Variants in ALDH1L1 observed in about 807,000 individuals in gnomAD.
ALDH1L1 encodes cytosolic 10-formyltetrahydrofolate dehydrogenase.
In ALDH1L1, 68 loss-of-function variants were observed where a neutral mutation model predicts 101.1. The ratio of observed to expected loss-of-function variants is 0.67; its 90% CI spans 0.55 to 0.82. The LOEUF (loss-of-function observed/expected upper bound fraction) is 0.82, where lower values mean the gene tolerates loss of function less well. Among genes scored for constraint, ALDH1L1 ranks in the 40% least tolerant of loss-of-function variants. The pLI, the probability that ALDH1L1 is intolerant of heterozygous loss-of-function variation, is 0.00. For missense variants in ALDH1L1, 1,087 were observed against 1,172.7 expected (o/e 0.93, Z 1.07); for synonymous variants, 486 against 470.8 (o/e 1.03, Z -0.42).
chr3:126,186,014 G>A (rs1270203829), upstream of ALDH1L1, among the ~76,000 whole-genome samples: 1 of 152,104 alleles, frequency 6.6e-6, no homozygotes, highest in African/African-American at 2.4e-5. Flanking sequence ...TGGAATGGGG[G>A]GTGCCAGGGG....
rs774413198 is a variant in ALDH1L1, at chr3:126,153,285, GC to G, written c.858+158del. 3 of 1,123,182 alleles carry G rather than the reference GC, an allele frequency of 2.7e-6. No individual in the cohort carries two copies. In the African/African-American group the frequency reaches 4.6e-5, roughly 17 times the overall value. The allele number at this position is 1,123,182 out of a possible 1,614,324, so 69.6% of individuals were successfully genotyped here. A position where few individuals can be genotyped will look rare whatever the true frequency, so the allele number is the denominator to read the frequency against. ...CTCGGACACCCTGTGCTCAGGACCAGCCGGGTGGTCAGGGACAAATCAGGGT... is the reference window on the plus strand; with the variant it reads ...CTCGGACACCCTGTGCTCAGGACCAGCGGGTGGTCAGGGACAAATCAGGGT... On this transcript the variant is annotated intron_variant, in intron 7 of 22. Coordinates refer to ENST00000393434, the MANE Select transcript of ALDH1L1 (RefSeq NM_012190.4).
At chr3:126,118,179 G>C in intron 16 of ALDH1L1, 81 bp from the exon 17 acceptor site, 2 of 1,130,746 alleles carry the variant, frequency 1.8e-6, no homozygotes. Context: ...GACTGCACAG[G>C]TTCACTGGGG....
Position 126,125,636 on chromosome 3 carries a change from C to G in ALDH1L1, c.1780G>C (p.Val594Leu), listed in dbSNP as rs778022672. The G allele has an allele frequency of 3.8e-6, 6 of 1,596,154 alleles. No homozygotes were observed. In the East Asian group the frequency reaches 1.1e-4, roughly 31 times the overall value. ...CTCACCTGAGCAGGCTTGATCACCA[C>G]TGTGTTCCCGGCAGCCAGGCAGGCA... is the stretch of plus-strand genomic sequence containing the variant. ...TAACLAAGNT[V>L]VIKPAQVTPL... The change falls in exon 15 of 23, where the codon GTG (valine) becomes CTG (leucine). Residue 594 changes from valine to leucine, a missense_variant. Coordinates refer to ENST00000393434, the MANE Select transcript of ALDH1L1 (RefSeq NM_012190.4).
rs530628242 is a variant in ALDH1L1 at position 126,153,950 on chromosome 3, T to C, written c.721-369A>G. 3.4e-3 allele frequency among the ~76,000 whole-genome samples: 512 copies of C among 152,330 alleles called. 3 individuals carry two copies. Among genetic ancestry groups the C allele is most frequent in the Non-Finnish European group, 6.1e-3 (416 of 68,024 alleles). ...AGGAGTGGTTGCTTTGATCAGAAGA[T>C]GCATTTGCTAGTACAAAGGGCTCTG... On this transcript the variant is annotated intron_variant, in intron 6 of 22. Coordinates refer to ENST00000393434, the MANE Select transcript of ALDH1L1 (RefSeq NM_012190.4).
At chr3:126,163,998 G>C (rs1023136518) in intron 1 of ALDH1L1, among the ~76,000 whole-genome samples, 2 of 152,068 alleles carry the variant, frequency 1.3e-5, no homozygotes, top group African/African-American at 4.8e-5. Context: ...GGACATGGTA[G>C]TACGTGCCTG....
intron 21 of ALDH1L1, 151 bp downstream of exon 21, chr3:126,106,990 A>G: frequency 3.0e-6 from 2 of 667,660 alleles, no homozygotes; most frequent in Non-Finnish European, 5.2e-6. Context: ...GTGGAGACTC[A>G]GCAGGCGGCA....
At position 126,158,486 on chromosome 3, in the gene ALDH1L1, A is replaced by G; in HGVS notation, c.281T>C (p.Ile94Thr). The change falls in exon 3 of 23, where the codon ATA becomes ACA. Residue 94 changes from isoleucine to threonine, a missense_variant. Around this residue, in one of 2 missense-constraint regions of ALDH1L1, gnomAD observed 645 missense variants for 637.0 expected, o/e 1.01. Coordinates refer to ENST00000393434, the MANE Select transcript of ALDH1L1 (RefSeq NM_012190.4). ...PFCSQFIPME[I>T]ISAPRHGSII... Reference sequence around the variant, plus strand: ...GGAGCCATGCCGGGGGGCACTGATTATCTCCATGGGGATGAATTGGCTGCA... The same window carrying G: ...GGAGCCATGCCGGGGGGCACTGATTGTCTCCATGGGGATGAATTGGCTGCA... 9 of 1,614,104 alleles carry G rather than the reference A, an allele frequency of 5.6e-6. No homozygotes were observed. Among genetic ancestry groups the G allele is most frequent in the Non-Finnish European group, 7.6e-6 (9 of 1,179,986 alleles).
rs149046574 is a variant in ALDH1L1 at position 126,149,093 on chromosome 3, G to A, written c.984+1313C>T. On this transcript the variant is annotated intron_variant, in intron 8 of 22. Coordinates refer to ENST00000393434, the MANE Select transcript of ALDH1L1 (RefSeq NM_012190.4). Reference sequence around the variant, plus strand: ...AGGAATGCACCTTCCTGTTACACCAGAAGCTGCCTTTGGACGGTTTGCAAA... The same window carrying A: ...AGGAATGCACCTTCCTGTTACACCAAAAGCTGCCTTTGGACGGTTTGCAAA... Among the ~76,000 whole-genome samples, 133 of 152,326 alleles carry A rather than the reference G, an allele frequency of 8.7e-4. 1 individual carries two copies. The highest frequency in any genetic ancestry group is 3.4e-3 in the Middle Eastern group (1 of 294).
Position 126,135,580 on chromosome 3 carries a change from C to T in ALDH1L1, c.1427G>A (p.Arg476Gln), listed in dbSNP as rs773682535. ...AAAKDAFENG[R>Q]WGKISARDRG... The stretch of plus-strand genomic sequence containing the variant: ...GTCCCGCGCACTGATCTTCCCCCAC[C>T]GTCCATTCTCAAAGGCATCCTTGGC... The change falls in exon 12 of 23, where the codon CGG (arginine) becomes CAG (glutamine). Residue 476 changes from arginine to glutamine, a missense_variant. Physicochemically the swap from Arg to Gln is conservative, Grantham distance 43. Around this residue, in one of 2 missense-constraint regions of ALDH1L1, gnomAD observed 645 missense variants for 637.0 expected, o/e 1.01. Coordinates refer to ENST00000393434, the MANE Select transcript of ALDH1L1 (RefSeq NM_012190.4). 39 of 1,601,760 alleles carry T rather than the reference C, an allele frequency of 2.4e-5. No individual in the cohort carries two copies. The highest frequency in any genetic ancestry group is 4.6e-5 in the East Asian group (2 of 43,436).
intron 19 of ALDH1L1, among the ~76,000 whole-genome samples, chr3:126,111,677 G>T (rs1049888086): frequency 1.3e-5 from 2 of 152,132 alleles, no homozygotes; most frequent in South Asian, 2.1e-4. Context: ...TCCTCCAGGG[G>T]CCCCTCCCTC....
intron 9 of ALDH1L1, among the ~76,000 whole-genome samples, chr3:126,138,509 C>T (rs1340406341): frequency 1.3e-5 from 2 of 152,042 alleles, no homozygotes; most frequent in Admixed American, 1.3e-4. Flanking sequence ...ATATGGACGG[C>T]AAATAAGAAT....
intron 18 of ALDH1L1, among the ~76,000 whole-genome samples, chr3:126,114,160 T>A (rs544139272): frequency 6.6e-6 from 1 of 152,238 alleles, no homozygotes; most frequent in African/African-American, 2.4e-5. Context: ...GGATTACATA[T>A]AGATGGTAAA....
rs114109734 is a variant in ALDH1L1 at position 126,135,561 on chromosome 3, C to T, written c.1446G>A (p.Ala482=). ...FENGRWGKIS[A]RDRGRLMYRL... ...TGTACATCAGCCGGCCCCGGTCCCG[C>T]GCACTGATCTTCCCCCACCGTCCAT... Residue 482 remains alanine (A), a synonymous_variant, in exon 12 of 23, where the codon GCG becomes GCA. Transcript: ENST00000393434. The T allele has an allele frequency of 5.8e-4, 928 of 1,607,406 alleles. 3 individuals carry two copies. The African/African-American group carries it at 0.011, about 18-fold the overall frequency.
intron 1 of ALDH1L1, among the ~76,000 whole-genome samples, chr3:126,174,231 T>C (rs1485598642): frequency 6.6e-6 from 1 of 152,196 alleles, no homozygotes; most frequent in African/African-American, 2.4e-5. Flanking sequence ...AGAGCCTCCA[T>C]GTTGGTCAGG....
chr3:126,157,954 T>C (rs2080949916), intron 3 of ALDH1L1, among the ~76,000 whole-genome samples: 1 of 152,168 alleles, frequency 6.6e-6, no homozygotes, highest in Non-Finnish European at 1.5e-5. Flanking sequence ...TCAGAGTACC[T>C]TGTGGAGGCC....
chr3:126,110,128 G>A lies in ALDH1L1; in HGVS notation c.2182-19C>T. On this transcript the variant is annotated intron_variant, in intron 19 of 22. Transcript: ENST00000393434. ...CTTCTACCTGCAGAAAGTCCTCCAAGTCAGGTGTGGCTTGTGCTGCCACAG... is the reference window on the plus strand; with the variant it reads ...CTTCTACCTGCAGAAAGTCCTCCAAATCAGGTGTGGCTTGTGCTGCCACAG... 6.2e-7 allele frequency: 1 copy of A among 1,613,420 alleles called. No homozygotes were observed.
intron 12 of ALDH1L1, among the ~76,000 whole-genome samples, chr3:126,132,865 G>C (rs994752082): frequency 2.0e-5 from 3 of 152,208 alleles, no homozygotes; most frequent in African/African-American, 7.2e-5. Flanking sequence ...GCTCTCTGCA[G>C]CGCCCAGCTC....
chr3:126,117,939 C>T (rs2108203320), intron 17 of ALDH1L1, 66 bp downstream of exon 17: 2 of 1,445,400 alleles, frequency 1.4e-6, no homozygotes, highest in Non-Finnish European at 1.9e-6. Flanking sequence ...GCTCCTGGGA[C>T]AGCACTGCCA....
At chr3:126,181,547 G>A (rs2108348646), upstream of ALDH1L1, 1 of 161,296 alleles carries the variant, frequency 6.2e-6, no homozygotes, top group South Asian at 1.7e-4. Flanking sequence ...GCCTTAGAGA[G>A]GCTGTTCCAG....
Sources: allele counts gnomAD v4.1 joint callset (sites outside exome capture counted in the v4.1 genomes callset), GRCh38; gene constraint gnomAD v4.1.1; regional missense constraint gnomAD v4.1.1; transcripts MANE v1.5; gene names NCBI Gene and HGNC (gene_info 2026-07-23, HGNC 2026-07-21).